FGF20: variants seen among roughly 807,000 people sequenced by gnomAD.
FGF20 encodes the protein fibroblast growth factor 20.
A neutral mutation model predicts 16.7 loss-of-function variants in FGF20; 8 were observed. The ratio of observed to expected loss-of-function variants is 0.48; its 90% CI spans 0.28 to 0.87. The LOEUF is 0.87. Ranked by LOEUF, FGF20 falls within the 40% of genes least tolerant of loss-of-function variation. FGF20 has a pLI of 0.10. For synonymous variants in FGF20, 161 were observed against 118.6 expected, an observed-to-expected ratio of 1.36 and a Z score of -2.32; for missense variants, 397 against 281.4, an observed-to-expected ratio of 1.41 and a Z score of -2.94.
At chr8:17,001,675 A>G in intron 1 of FGF20, 72 bp downstream of exon 1, 1 of 1,429,864 alleles carries the variant, frequency 7.0e-7, no homozygotes, top group Non-Finnish European at 9.2e-7. Flanking sequence ...GCAAAGAGGG[A>G]GGTGCAAGGG....
Position 17,001,933 on chromosome 8 carries a change from G to A in FGF20, c.100C>T (p.Pro34Ser), listed in dbSNP as rs1374947340. Residue 34 changes from proline (P) to serine (S), a missense_variant, in exon 1 of 3, where the codon CCG becomes TCG. By Grantham distance (74) the Pro-to-Ser change is moderately conservative. Coordinates refer to ENST00000180166, the MANE Select transcript of FGF20 (RefSeq NM_019851.3). ...HFLLPPAGER[P>S]PLLGERRSAA... is the part of the protein sequence containing the mutation. Reference sequence around the variant, plus strand: ...CTCCTGCGCTCGCCCAGCAGCGGCGGCCGCTCCCCGGCAGGAGGCAACAGG... The same window carrying A: ...CTCCTGCGCTCGCCCAGCAGCGGCGACCGCTCCCCGGCAGGAGGCAACAGG... The A allele has an allele frequency of 6.7e-7, 1 of 1,493,996 alleles. No homozygotes were observed. The highest frequency in any genetic ancestry group is 8.9e-7 in the Non-Finnish European group (1 of 1,123,066). 92.5% of individuals were successfully genotyped at this position (1,493,996 alleles called of 1,614,324 possible). A position where few individuals can be genotyped will look rare whatever the true frequency, so the allele number is the denominator to read the frequency against.
At chr8:17,001,342 G>A (rs923135127) in intron 1 of FGF20, among the ~76,000 whole-genome samples, 4 of 152,132 alleles carry the variant, frequency 2.6e-5, no homozygotes, top group Non-Finnish European at 5.9e-5. Context: ...AAGGAAATCG[G>A]AGAGAAACAT....
intron 1 of FGF20, among the ~76,000 whole-genome samples, chr8:17,001,375 A>C (rs4532634): frequency 0.58 from 88,178 of 152,002 alleles, 25,927 homozygotes; most frequent in Non-Finnish European, 0.63. Flanking sequence ...TTTAAAACTG[A>C]CTGCGAGGTA....
chr8:17,000,132 C>T (rs1428270543), intron 1 of FGF20, among the ~76,000 whole-genome samples: 2 of 151,938 alleles, frequency 1.3e-5, no homozygotes, highest in Non-Finnish European at 2.9e-5. Flanking sequence ...GAGGCCAAGG[C>T]GGAAAGATTG....
At chr8:17,001,158 A>G (rs1038893142) in intron 1 of FGF20, among the ~76,000 whole-genome samples, 2 of 150,008 alleles carry the variant, frequency 1.3e-5, no homozygotes, top group Non-Finnish European at 2.9e-5. Flanking sequence ...TTAATCTGCT[A>G]CCTCTTCAGG....
intron 1 of FGF20, among the ~76,000 whole-genome samples, chr8:17,001,075 C>G (rs1478218686): frequency 6.9e-6 from 1 of 145,492 alleles, no homozygotes; most frequent in Non-Finnish European, 1.5e-5. Flanking sequence ...CTTTTCTCAC[C>G]CACATAGAAC....
At chr8:16,993,709 A>G (rs941676449) in intron 2 of FGF20, among the ~76,000 whole-genome samples, 6 of 152,226 alleles carry the variant, frequency 3.9e-5, no homozygotes, top group African/African-American at 1.4e-4. Context: ...ATATAGAATC[A>G]GTGGGAGCCC....
chr8:16,999,131 G>C (rs538266086), intron 1 of FGF20, among the ~76,000 whole-genome samples: 1 of 152,240 alleles, frequency 6.6e-6, no homozygotes, highest in Non-Finnish European at 1.5e-5. Context: ...AAGGCCGCTA[G>C]GATGTACTAC....
rs1480681473 is a variant in FGF20 at position 17,001,809 on chromosome 8, A to G, written c.224T>C (p.Phe75Ser). 1 of 1,559,492 alleles carries G rather than the reference A, an allele frequency of 6.4e-7. No individual in the cohort carries two copies. The highest frequency in any genetic ancestry group is 1.9e-5 in the Admixed American group (1 of 53,872). Residue 75 changes from phenylalanine (F) to serine (S), a missense_variant, in exon 1 of 3, where the codon TTC (phenylalanine) becomes TCC (serine). Coordinates refer to ENST00000180166, the MANE Select transcript of FGF20 (RefSeq NM_019851.3). ...GCCGTCGGGCAGGATCTGCAGGTGG[A>G]AGCCGGTGCGGCAATAGAGCTGCCG... is the stretch of plus-strand genomic sequence containing the variant. ...RRRQLYCRTG[F>S]HLQILPDGSV...
At chr8:16,999,068 A>G (rs1282854736) in intron 1 of FGF20, among the ~76,000 whole-genome samples, 1 of 152,162 alleles carries the variant, frequency 6.6e-6, no homozygotes, top group Non-Finnish European at 1.5e-5. Context: ...TTGAACATAA[A>G]CTTTCTTCTT....
chr8:16,999,052 TATAGCTTGAAC>T (rs1455713246), intron 1 of FGF20, among the ~76,000 whole-genome samples: 2 of 152,192 alleles, frequency 1.3e-5, no homozygotes, highest in African/African-American at 4.8e-5. Context: ...CATAATGTTA[TATAGCTTGAAC>T]ATAAACTTTC....
intron 1 of FGF20, among the ~76,000 whole-genome samples, chr8:17,000,693 C>G (rs73193110): frequency 2.0e-5 from 3 of 151,948 alleles, no homozygotes; most frequent in Admixed American, 6.6e-5. Context: ...CCGGAGAGCA[C>G]CCCATCTTTG....
At chr8:16,993,934 T>C (rs1362844451) in intron 2 of FGF20, among the ~76,000 whole-genome samples, 2 of 152,156 alleles carry the variant, frequency 1.3e-5, no homozygotes, top group African/African-American at 4.8e-5. Flanking sequence ...GAGAGCAGCA[T>C]GTAAATTCAG....
Position 16,993,000 on chromosome 8 carries a change from T to C in FGF20, c.*72A>G. On this transcript the variant is annotated 3_prime_UTR_variant, in exon 3 of 3. Coordinates refer to ENST00000180166, the MANE Select transcript of FGF20 (RefSeq NM_019851.3). The stretch of plus-strand genomic sequence containing the variant: ...TATTTTGAACGTCTCCTTGGGTCAT[T>C]ATTTTATGATGGGAACTATGACAAG... The C allele has an allele frequency of 4.6e-6, 7 of 1,513,322 alleles. No individual in the cohort carries two copies. Among genetic ancestry groups the C allele is most frequent in the Middle Eastern group, 1.7e-4 (1 of 5,716 alleles). 93.7% of individuals were successfully genotyped at this position (1,513,322 alleles called of 1,614,324 possible).
At chr8:17,000,520 G>A (rs1270587112) in intron 1 of FGF20, among the ~76,000 whole-genome samples, 2 of 152,098 alleles carry the variant, frequency 1.3e-5, no homozygotes, top group Non-Finnish European at 2.9e-5. Context: ...ACTCCGTAGC[G>A]CTACGGATTG....
At chr8:17,001,641 G>T in intron 1 of FGF20, 106 bp downstream of exon 1, 1 of 1,297,240 alleles carries the variant, frequency 7.7e-7, no homozygotes, top group African/African-American at 1.5e-5. Context: ...TCCGGGCTCC[G>T]CGCGGCGATG....
Position 17,002,222 on chromosome 8 carries a change from T to G in FGF20, c.-190A>C, listed in dbSNP as rs934215282. 1.1e-5 allele frequency: 6 copies of G among 532,230 alleles called. No homozygotes were observed. Among genetic ancestry groups the G allele is most frequent in the African/African-American group, 1.0e-4 (5 of 49,544 alleles). The allele number at this position is 532,230 out of a possible 1,614,324, so 33.0% of individuals were successfully genotyped here. On this transcript the variant is annotated 5_prime_UTR_variant, in exon 1 of 3. Coordinates refer to ENST00000180166, the MANE Select transcript of FGF20 (RefSeq NM_019851.3). ...AGCTCTCACTGTCTTGGAGCGATCTTCTCTCCTTGGGTAGGTGGGAGCCGG... is the reference window on the plus strand; with the variant it reads ...AGCTCTCACTGTCTTGGAGCGATCTGCTCTCCTTGGGTAGGTGGGAGCCGG...
At position 16,993,429 on chromosome 8, in the gene FGF20, GT is replaced by G. The variant is rs17515310; in HGVS notation, c.391-113del. Reference sequence around the variant, plus strand: ...TTTGCCTTGTCAAAGAAAGAAAAAGGTTAAATTGGTTTTGCTTTATTTTGTT... The same window carrying G: ...TTTGCCTTGTCAAAGAAAGAAAAAGGTAAATTGGTTTTGCTTTATTTTGTT... On this transcript the variant is annotated intron_variant, in intron 2 of 2. Transcript: ENST00000180166. 6.0e-3 allele frequency: 6,694 copies of G among 1,116,428 alleles called. 316 individuals carry two copies. In the Admixed American group the frequency reaches 0.093, roughly 16 times the overall value. 69.2% of individuals were successfully genotyped at this position (1,116,428 alleles called of 1,614,324 possible).
intron 1 of FGF20, 124 bp downstream of exon 1, chr8:17,001,623 A>T (rs941546936): frequency 6.9e-6 from 8 of 1,161,588 alleles, no homozygotes; most frequent in African/African-American, 1.6e-5. Context: ...GGATGGGTCC[A>T]GGGGAGCTCC....
Sources: gnomAD v4.1 joint callset for allele counts (sites outside exome capture counted in the v4.1 genomes callset) on GRCh38, gnomAD v4.1.1 for gene constraint, MANE v1.5 for transcripts, NCBI Gene and HGNC (gene_info 2026-07-23, HGNC 2026-07-21) for gene names.